Variants in UROS observed in about 807,000 individuals in gnomAD.
The protein encoded by UROS is uroporphyrinogen-III synthase.
Under a neutral mutation model 33.0 loss-of-function variants are expected in UROS, and 18 were observed. The observed-to-expected ratio is 0.55, with a 90% CI of 0.38 to 0.81. UROS has a LOEUF of 0.81. UROS is among the 30% of genes least tolerant of loss of function. UROS has a pLI of 0.00. For missense variants in UROS, 293 were observed against 314.9 expected (o/e 0.93, Z 0.53); for synonymous variants, 114 against 121.1 (o/e 0.94, Z 0.38).
rs531356154 is a variant in UROS at position 125,805,371 on chromosome 10, C to T, written c.394+2042G>A. Among the ~76,000 whole-genome samples, 11 of 152,190 alleles carry T rather than the reference C, an allele frequency of 7.2e-5. No homozygotes were observed. In the East Asian group the frequency reaches 1.9e-3, roughly 27 times the overall value. On this transcript the variant is annotated intron_variant, in intron 6 of 9. Coordinates refer to ENST00000368797, the MANE Select transcript of UROS (RefSeq NM_000375.3). ...AGAGCAGGTCGGCATGGAGCAGATG[C>T]CAGTCAGGCCTCTGAATGTGACAGG...
intron 6 of UROS, among the ~76,000 whole-genome samples, chr10:125,799,475 A>G (rs1344551484): frequency 6.6e-6 from 1 of 152,176 alleles, no homozygotes; most frequent in Non-Finnish European, 1.5e-5. Flanking sequence ...TAAGAGAACT[A>G]CAGTCCAGTT....
At chr10:125,797,506 G>A (rs536064898) in intron 7 of UROS, among the ~76,000 whole-genome samples, 1 of 152,316 alleles carries the variant, frequency 6.6e-6, no homozygotes, top group East Asian at 1.9e-4. Context: ...GATAGACTTT[G>A]CTCCCAGACT....
intron 1 of UROS, among the ~76,000 whole-genome samples, chr10:125,821,110 A>G (rs1853837369): frequency 6.6e-6 from 1 of 152,246 alleles, no homozygotes; most frequent in Admixed American, 6.5e-5. Flanking sequence ...TAGAATTACC[A>G]TATGATCTAG....
chr10:125,816,081 A>C, intron 3 of UROS, 96 bp downstream of exon 3: 1 of 1,239,298 alleles, frequency 8.1e-7, no homozygotes, highest in Non-Finnish European at 1.2e-6. Context: ...AAGTTTGGGA[A>C]TAAAATAAGA....
chr10:125,818,561 G>GT (rs1853568415), intron 1 of UROS, among the ~76,000 whole-genome samples: 2 of 152,140 alleles, frequency 1.3e-5, no homozygotes, highest in South Asian at 4.1e-4. Context: ...TGCTGTGCTA[G>GT]AGTCACATAT....
At chr10:125,793,735 C>A (rs1328392275) in intron 9 of UROS, 2 of 151,994 alleles carry the variant, frequency 1.3e-5, no homozygotes, top group Non-Finnish European at 2.9e-5. Context: ...TTAGTAAAGA[C>A]GGGGTTTTCA....
chr10:125,810,059 T>C (rs1040026048), intron 5 of UROS, among the ~76,000 whole-genome samples: 1 of 152,222 alleles, frequency 6.6e-6, no homozygotes, highest in African/African-American at 2.4e-5. Context: ...GCTTCAAATG[T>C]CCAACTTTCC....
chr10:125,798,176 C>T (rs1851523786), intron 6 of UROS, 31 bp from the exon 7 acceptor site: 1 of 1,611,066 alleles, frequency 6.2e-7, no homozygotes. Context: ...TTTGTGAAAA[C>T]TCAGGGCCAG....
chr10:125,790,253 T>C (rs766161915), intron 9 of UROS, among the ~76,000 whole-genome samples: 10 of 151,972 alleles, frequency 6.6e-5, no homozygotes, highest in Non-Finnish European at 1.2e-4. Context: ...GACCCCTACC[T>C]CACACAACAC....
intron 9 of UROS, chr10:125,793,795 G>A (rs1470746401): frequency 6.6e-6 from 1 of 152,154 alleles, no homozygotes; most frequent in Non-Finnish European, 1.5e-5. Flanking sequence ...TGATCCGCCT[G>A]AGGCCTCCCA....
At chr10:125,789,561 C>T in intron 9 of UROS, 1 of 183,780 alleles carries the variant, frequency 5.4e-6, no homozygotes, top group Non-Finnish European at 1.1e-5. Context: ...GGACTCTTCA[C>T]TGGGCTGCTG....
At chr10:125,787,312 A>G (rs1850660483), downstream of UROS, among the ~76,000 whole-genome samples, 1 of 151,984 alleles carries the variant, frequency 6.6e-6, no homozygotes, top group Non-Finnish European at 1.5e-5. Context: ...CGAAGCCCAC[A>G]CATCCCTCCC....
intron 6 of UROS, chr10:125,802,261 T>C (rs1295375953): frequency 2.0e-6 from 2 of 985,480 alleles, no homozygotes; most frequent in East Asian, 2.3e-4. Flanking sequence ...AGCGATCCCA[T>C]GGGGCTGGGG....
At chr10:125,800,910 C>A (rs1851795853) in intron 6 of UROS, among the ~76,000 whole-genome samples, 1 of 152,116 alleles carries the variant, frequency 6.6e-6, no homozygotes. Flanking sequence ...CCCTTCTCAC[C>A]CTTCAATGTG....
chr10:125,798,198 A>G (rs1851525258), intron 6 of UROS, 53 bp from the exon 7 acceptor site: 1 of 1,590,524 alleles, frequency 6.3e-7, no homozygotes, highest in Non-Finnish European at 8.6e-7. Flanking sequence ...GCCTGTGCAC[A>G]GGGGAATGGG....
intron 6 of UROS, among the ~76,000 whole-genome samples, chr10:125,799,196 A>C (rs1851610127): frequency 6.6e-6 from 1 of 152,188 alleles, no homozygotes; most frequent in African/African-American, 2.4e-5. Flanking sequence ...CATACTGGTG[A>C]ATGTTTTCTT....
At chr10:125,788,569 A>T, downstream of UROS, 1 of 1,334,696 alleles carries the variant, frequency 7.5e-7, no homozygotes, top group South Asian at 2.0e-5. Flanking sequence ...ACACACAGCA[A>T]CCATACACTC....
At chr10:125,791,130 T>C (rs1408225896) in intron 9 of UROS, among the ~76,000 whole-genome samples, 5 of 151,768 alleles carry the variant, frequency 3.3e-5, no homozygotes, top group Admixed American at 3.3e-4. Flanking sequence ...TAAGGAATTC[T>C]GGCAATTCAA....
intron 9 of UROS, chr10:125,792,333 C>T (rs1040937647): frequency 6.6e-6 from 1 of 152,216 alleles, no homozygotes; most frequent in Non-Finnish European, 1.5e-5. Context: ...GAGCAGCAGT[C>T]TTCCCCAGGC....
Sources: allele counts gnomAD v4.1 joint callset (sites outside exome capture counted in the v4.1 genomes callset), GRCh38; gene constraint gnomAD v4.1.1; transcripts MANE v1.5; gene names NCBI Gene and HGNC (gene_info 2026-07-23, HGNC 2026-07-21).